The following KCNIP4 variants were observed in gnomAD, a reference collection of about 807,000 sequenced individuals.
KCNIP4 encodes potassium voltage-gated channel interacting protein 4, also known as Kv channel-interacting protein 4.
A neutral mutation model predicts 34.0 loss-of-function variants in KCNIP4; 12 were observed. The ratio of observed to expected loss-of-function variants is 0.35; its 90% CI spans 0.23 to 0.57. KCNIP4 has a LOEUF of 0.57. KCNIP4 is among the 20% of genes least tolerant of loss of function. The probability of loss-of-function intolerance (pLI) is 0.83; values close to 1 mark genes in which losing one functional copy is unlikely to be tolerated. For missense variants in KCNIP4, 238 were observed against 311.7 expected (o/e 0.76, Z 1.78); for synonymous variants, 124 against 102.2 (o/e 1.21, Z -1.29).
rs529592911 is a variant in KCNIP4, at chr4:21,932,210, G to A, written c.61+16361C>T. 4.6e-5 allele frequency among the ~76,000 whole-genome samples: 7 copies of A among 152,198 alleles called. No individual in the cohort carries two copies. In the South Asian group the frequency reaches 1.5e-3, roughly 32 times the overall value. On this transcript the variant is annotated intron_variant, in intron 1 of 8. Coordinates refer to ENST00000382152, the MANE Select transcript of KCNIP4 (RefSeq NM_025221.6). ...AATCTTTGAGTATTTTGCAGACAGA[G>A]AAATTTAGGCTTCTCCGTAACTGAT...
intron 1 of KCNIP4, among the ~76,000 whole-genome samples, chr4:21,595,967 C>T (rs896359961): frequency 6.6e-6 from 1 of 152,078 alleles, no homozygotes; most frequent in Non-Finnish European, 1.5e-5. Context: ...CTTTCCAGAG[C>T]AACTTGTGTT....
chr4:20,752,597 A>G (rs954593273), intron 4 of KCNIP4: 1 of 152,170 alleles, frequency 6.6e-6, no homozygotes, highest in African/African-American at 2.4e-5. Context: ...GACGAGTTCT[A>G]ATTTAATGCA....
chr4:21,307,458 C>A (rs1041677337), intron 1 of KCNIP4, among the ~76,000 whole-genome samples: 1 of 152,140 alleles, frequency 6.6e-6, no homozygotes, highest in African/African-American at 2.4e-5. Flanking sequence ...TTATTTTCCT[C>A]CAAAGCATTG....
intron 3 of KCNIP4, among the ~76,000 whole-genome samples, chr4:20,794,713 T>C (rs1292254943): frequency 1.3e-5 from 2 of 152,210 alleles, no homozygotes; most frequent in Non-Finnish European, 2.9e-5. Flanking sequence ...GTGTGGGTTA[T>C]GCGATATTTG....
chr4:21,648,117 C>A (rs992404849), intron 1 of KCNIP4, among the ~76,000 whole-genome samples: 2 of 151,874 alleles, frequency 1.3e-5, no homozygotes, highest in African/African-American at 4.8e-5. Flanking sequence ...TCGTGATCCG[C>A]CTGCCTCGGC....
chr4:20,930,116 G>A lies in KCNIP4; in HGVS notation c.62-47407C>T, dbSNP rs114287782. 5.7e-3 allele frequency among the ~76,000 whole-genome samples: 869 copies of A among 152,060 alleles called. 11 individuals are homozygous for A. The highest frequency in any genetic ancestry group is 0.02 in the African/African-American group (823 of 41,530). On this transcript the variant is annotated intron_variant, in intron 1 of 8. Transcript: ENST00000382152. ...AAGCTTGAGGCATCACACTTCCTAAGTTAAAATTATATTGCAAAGCTACAG... is the reference window on the plus strand; with the variant it reads ...AAGCTTGAGGCATCACACTTCCTAAATTAAAATTATATTGCAAAGCTACAG...
At chr4:20,839,355 A>G (rs979004189) in intron 3 of KCNIP4, among the ~76,000 whole-genome samples, 3 of 151,854 alleles carry the variant, frequency 2.0e-5, no homozygotes, top group Non-Finnish European at 2.9e-5. Flanking sequence ...TAGTTTTCAA[A>G]AAGCAAATAT....
At chr4:21,501,507 C>T (rs1292032701) in intron 1 of KCNIP4, among the ~76,000 whole-genome samples, 1 of 152,020 alleles carries the variant, frequency 6.6e-6, no homozygotes, top group East Asian at 1.9e-4. Context: ...CAAGCTGATA[C>T]ATTACATTTT....
chr4:20,895,339 T>A (rs1180647291), intron 1 of KCNIP4, among the ~76,000 whole-genome samples: 2 of 152,168 alleles, frequency 1.3e-5, no homozygotes, highest in African/African-American at 4.8e-5. Context: ...CAGTAGGACA[T>A]CCATCAAATT....
At chr4:21,042,817 G>T (rs1742082134) in intron 1 of KCNIP4, among the ~76,000 whole-genome samples, 1 of 152,116 alleles carries the variant, frequency 6.6e-6, no homozygotes, top group African/African-American at 2.4e-5. Flanking sequence ...TGTCAATCGT[G>T]AATAAGCAAA....
At chr4:21,645,426 T>C (rs1040078948) in intron 1 of KCNIP4, among the ~76,000 whole-genome samples, 2 of 152,188 alleles carry the variant, frequency 1.3e-5, no homozygotes, top group African/African-American at 4.8e-5. Context: ...GAGATAAACA[T>C]CTGAAAGTCA....
chr4:20,975,621 G>A (rs187720910), intron 1 of KCNIP4, among the ~76,000 whole-genome samples: 13 of 152,272 alleles, frequency 8.5e-5, no homozygotes, highest in Non-Finnish European at 1.3e-4. Flanking sequence ...CGCCTAAAAA[G>A]AGACTAGACC....
At chr4:21,687,709 C>CA in intron 1 of KCNIP4, among the ~76,000 whole-genome samples, 1 of 152,120 alleles carries the variant, frequency 6.6e-6, no homozygotes, top group East Asian at 1.9e-4. Context: ...TTTTTACTCT[C>CA]AAAAATGTCC....
intron 1 of KCNIP4, among the ~76,000 whole-genome samples, chr4:21,595,015 C>A (rs1277221389): frequency 6.6e-6 from 1 of 152,062 alleles, no homozygotes; most frequent in Admixed American, 6.6e-5. Context: ...GATACGTGTG[C>A]AGAATGTGCA....
intron 1 of KCNIP4, among the ~76,000 whole-genome samples, chr4:21,553,981 A>T (rs1370849605): frequency 6.6e-6 from 1 of 152,128 alleles, no homozygotes; most frequent in Non-Finnish European, 1.5e-5. Context: ...AAGGGGCACA[A>T]TTCAACCCAC....
At position 21,333,175 on chromosome 4, in the gene KCNIP4, A is replaced by T. The variant is rs151149423; in HGVS notation, c.62-450466T>A. On this transcript the variant is annotated intron_variant, in intron 1 of 8. Transcript: ENST00000382152. ...TTTTTGATAATTTGATTGCTTCTTA[A>T]TTCTCAACAGAATTGGTGATTTTGC... 7.8e-3 allele frequency among the ~76,000 whole-genome samples: 1,194 copies of T among 152,128 alleles called. 15 individuals carry two copies. Among genetic ancestry groups the T allele is most frequent in the African/African-American group, 0.026 (1,076 of 41,522 alleles).
intron 1 of KCNIP4, among the ~76,000 whole-genome samples, chr4:21,509,296 TAGTC>T (rs1219663300): frequency 2.0e-5 from 3 of 152,176 alleles, no homozygotes; most frequent in Non-Finnish European, 2.9e-5. Flanking sequence ...GTATGATTAA[TAGTC>T]AGTCCTCTTT....
intron 1 of KCNIP4, among the ~76,000 whole-genome samples, chr4:21,157,810 CA>C (rs1386135349): frequency 6.6e-6 from 1 of 151,638 alleles, no homozygotes; most frequent in East Asian, 1.9e-4. Flanking sequence ...CCCCTGTAAG[CA>C]AAAGGTAATG....
intron 1 of KCNIP4, among the ~76,000 whole-genome samples, chr4:21,737,673 A>G (rs531351590): frequency 1.3e-5 from 2 of 152,296 alleles, no homozygotes; most frequent in Non-Finnish European, 2.9e-5. Context: ...CTTACAGCTT[A>G]GGTCCCTGGT....
Sources: allele counts gnomAD v4.1 joint callset (sites outside exome capture counted in the v4.1 genomes callset), GRCh38; gene constraint gnomAD v4.1.1; transcripts MANE v1.5; gene names NCBI Gene and HGNC (gene_info 2026-07-23, HGNC 2026-07-21).